ZFHX4: variants seen among roughly 807,000 people sequenced by gnomAD.
ZFHX4 encodes the protein zinc finger homeobox 4.
A neutral mutation model predicts 267.6 loss-of-function variants in ZFHX4; 56 were observed. That is an observed-to-expected ratio of 0.21 (90% CI 0.17 to 0.26). The LOEUF is 0.26. Ranked by LOEUF, ZFHX4 falls within the 10% of genes least tolerant of loss-of-function variation. ZFHX4 has a pLI of 1.00. For missense variants in ZFHX4, 4,332 were observed against 4,420.0 expected, an observed-to-expected ratio of 0.98 and a Z score of 0.56; for synonymous variants, 1,778 against 1,665.6, an observed-to-expected ratio of 1.07 and a Z score of -1.64.
chr8:76,772,058 G>A (rs1272946877), intron 3 of ZFHX4, among the ~76,000 whole-genome samples: 1 of 152,066 alleles, frequency 6.6e-6, no homozygotes, highest in Non-Finnish European at 1.5e-5. Context: ...TAATTTCTGT[G>A]TGTCTCTGTT....
At chr8:76,793,692 T>G (rs1810898320) in intron 4 of ZFHX4, among the ~76,000 whole-genome samples, 2 of 152,210 alleles carry the variant, frequency 1.3e-5, no homozygotes, top group Admixed American at 1.3e-4. Flanking sequence ...ACAGGAATCA[T>G]GTAAAAAGAC....
intron 1 of ZFHX4, among the ~76,000 whole-genome samples, chr8:76,697,055 C>A (rs1387343113): frequency 6.6e-6 from 1 of 151,854 alleles, no homozygotes; most frequent in Non-Finnish European, 1.5e-5. Context: ...GTTTAGCCTG[C>A]AAGAAATGAT....
At chr8:76,716,006 T>G (rs886101041) in intron 3 of ZFHX4, among the ~76,000 whole-genome samples, 1 of 152,186 alleles carries the variant, frequency 6.6e-6, no homozygotes, top group African/African-American at 2.4e-5. Flanking sequence ...TATTTGTTCC[T>G]CGATATCTGC....
At chr8:76,727,136 G>C (rs1808874313) in intron 3 of ZFHX4, among the ~76,000 whole-genome samples, 1 of 152,108 alleles carries the variant, frequency 6.6e-6, no homozygotes, top group Non-Finnish European at 1.5e-5. Context: ...AGGTCAGCCT[G>C]TTCGTCTGCG....
chr8:76,775,121 T>C (rs1313868398), intron 3 of ZFHX4, among the ~76,000 whole-genome samples: 1 of 152,134 alleles, frequency 6.6e-6, no homozygotes, highest in Non-Finnish European at 1.5e-5. Context: ...GAATAGATAA[T>C]GATGAGAAAA....
intron 3 of ZFHX4, 135 bp downstream of exon 3, chr8:76,708,183 A>G (rs886545044): frequency 9.3e-6 from 10 of 1,069,530 alleles, no homozygotes; most frequent in Admixed American, 6.7e-5. Flanking sequence ...ACAGTTTCTG[A>G]TTAACATTAT....
chr8:76,800,710 C>T (rs1811097667), intron 4 of ZFHX4, among the ~76,000 whole-genome samples: 2 of 152,140 alleles, frequency 1.3e-5, no homozygotes, highest in African/African-American at 2.4e-5. Flanking sequence ...GCAGACTTCA[C>T]GCTTAATAAG....
In ZFHX4 at chr8:76,854,179, C is replaced by A; in HGVS notation, c.7258C>A (p.Pro2420Thr). ...AEKPKQSDPS[P>T]PSQGTKPALP... ...AAAGCCAAAGCAGAGTGACCCCTCT[C>A]CCCCTTCTCAAGGCACCAAACCAGC... Residue 2420 changes from proline (P) to threonine (T), a missense_variant, in exon 10 of 11, where the codon CCC (proline) becomes ACC (threonine). By Grantham distance (38) the Pro-to-Thr change is conservative. Transcript: ENST00000651372. 3 of 1,581,144 alleles carry A rather than the reference C, an allele frequency of 1.9e-6. No individual in the cohort carries two copies. The highest frequency in any genetic ancestry group is 2.6e-6 in the Non-Finnish European group (3 of 1,163,668).
At position 76,864,618 on chromosome 8, in the gene ZFHX4, A is replaced by G; in HGVS notation, c.*53A>G. ...AAAATAAAAAATAAAAAAATAAAAAAAAAATAAGACTTTAACTGCAGTTCC... is the reference window on the plus strand; with the variant it reads ...AAAATAAAAAATAAAAAAATAAAAAGAAAATAAGACTTTAACTGCAGTTCC... On this transcript the variant is annotated 3_prime_UTR_variant, in exon 11 of 11. Transcript: ENST00000651372. The G allele has an allele frequency of 7.7e-7, 1 of 1,301,894 alleles. No individual in the cohort carries two copies. The highest frequency in any genetic ancestry group is 1.9e-5 in the South Asian group (1 of 51,754). 80.6% of individuals were successfully genotyped at this position (1,301,894 alleles called of 1,614,324 possible). A position where few individuals can be genotyped will look rare whatever the true frequency, so the allele number is the denominator to read the frequency against.
intron 4 of ZFHX4, among the ~76,000 whole-genome samples, chr8:76,810,597 C>T (rs945317248): frequency 3.3e-5 from 5 of 152,110 alleles, no homozygotes; most frequent in East Asian, 1.9e-4. Flanking sequence ...CTACAGGTCA[C>T]GTTAGAAGGG....
At position 76,853,586 on chromosome 8, in the gene ZFHX4, C is replaced by T. The variant is rs1812610209; in HGVS notation, c.6665C>T (p.Ala2222Val). 1.9e-6 allele frequency: 3 copies of T among 1,613,822 alleles called. No homozygotes were observed. The East Asian group carries it at 6.7e-5, about 36-fold the overall frequency. ...TCTTTAGAACATTACAAATCTGATG[C>T]ATCATTCAGTAAAAGGTCTTCTAGA... ...PTSLEHYKSD[A>V]SFSKRSSRTR... Residue 2222 changes from alanine (A) to valine (V), a missense_variant, in exon 10 of 11, where the codon GCA (alanine) becomes GTA (valine). Around this residue, in one of 7 missense-constraint regions of ZFHX4, gnomAD observed 62 missense variants for 69.8 expected, o/e 0.89. Transcript: ENST00000651372.
In ZFHX4 at chr8:76,856,076, C is replaced by T; in HGVS notation, c.9155C>T (p.Pro3052Leu). The T allele has an allele frequency of 1.2e-6, 2 of 1,613,910 alleles. No individual in the cohort carries two copies. The highest frequency in any genetic ancestry group is 1.7e-6 in the Non-Finnish European group (2 of 1,179,876). Residue 3052 changes from proline (P) to leucine (L), a missense_variant, in exon 10 of 11, where the codon CCG becomes CTG. Around this residue, in one of 7 missense-constraint regions of ZFHX4, gnomAD observed 1,648 missense variants for 1,625.0 expected, o/e 1.01. Transcript: ENST00000651372. ...QLDREKDYLA[P>L]TTVRQLMAQQ... ...GATCGGGAGAAAGATTACTTGGCTC[C>T]GACCACGGTTCGGCAGCTGATGGCA...
chr8:76,706,015 A>C lies in ZFHX4; in HGVS notation c.1927A>C (p.Thr643Pro). Residue 643 changes from threonine to proline, a missense_variant, in exon 2 of 11, where the codon ACC (threonine) becomes CCC (proline). Thr to Pro is a conservative substitution (Grantham distance 38, BLOSUM62 -1). Transcript: ENST00000651372. ...TMMHSRNSCK[T>P]LKCPKCNWHY... The stretch of plus-strand genomic sequence containing the variant: ...GATGCACTCGAGGAACTCATGCAAA[A>C]CCCTCAAATGTCCTAAATGTAACTG... 1 of 1,612,770 alleles carries C rather than the reference A, an allele frequency of 6.2e-7. No homozygotes were observed.
rs1812619412 is a variant in ZFHX4 at position 76,853,821 on chromosome 8, T to C, written c.6900T>C (p.Thr2300=). The C allele has an allele frequency of 1.2e-6, 2 of 1,613,732 alleles. No homozygotes were observed. The highest frequency in any genetic ancestry group is 1.3e-5 in the African/African-American group (1 of 74,882). Residue 2300 remains threonine (T), a synonymous_variant, in exon 10 of 11, where the codon ACT becomes ACC. Coordinates refer to ENST00000651372, the MANE Select transcript of ZFHX4 (RefSeq NM_024721.5). ...ETKDNEKREL[T]NERYIRTSNM... ...AAGATAATGAAAAAAGAGAACTCAC[T>C]AATGAACGGTACATTCGAACAAGCA...
intron 3 of ZFHX4, among the ~76,000 whole-genome samples, chr8:76,725,646 C>T (rs988515930): frequency 1.3e-5 from 2 of 152,096 alleles, no homozygotes; most frequent in Non-Finnish European, 2.9e-5. Context: ...ATATATAGAT[C>T]AGTGAAGGGC....
At position 76,863,150 on chromosome 8, in the gene ZFHX4, C is replaced by G. The variant is rs575889571; in HGVS notation, c.9436C>G (p.Pro3146Ala). The G allele has an allele frequency of 6.5e-7, 1 of 1,548,706 alleles. No individual in the cohort carries two copies. Among genetic ancestry groups the G allele is most frequent in the Non-Finnish European group, 8.7e-7 (1 of 1,146,036 alleles). Residue 3146 changes from proline (P) to alanine (A), a missense_variant, in exon 11 of 11, where the codon CCT (proline) becomes GCT (alanine). By Grantham distance (27) the Pro-to-Ala change is conservative. Coordinates refer to ENST00000651372, the MANE Select transcript of ZFHX4 (RefSeq NM_024721.5). ...LGFPTSATSS[P>A]ALSLSSAPTK... ...GTTTCCTACTTCAGCTACTTCGTCT[C>G]CTGCCCTGTCTCTCAGCAGTGCCCC...
chr8:76,789,431 C>A (rs1282756077), intron 4 of ZFHX4, among the ~76,000 whole-genome samples: 1 of 152,122 alleles, frequency 6.6e-6, no homozygotes, highest in African/African-American at 2.4e-5. Flanking sequence ...ATGTGCATAT[C>A]ACGGTAGGCA....
intron 3 of ZFHX4, among the ~76,000 whole-genome samples, chr8:76,717,265 C>G (rs1001587801): frequency 6.6e-6 from 1 of 152,140 alleles, no homozygotes; most frequent in Non-Finnish European, 1.5e-5. Context: ...GAGGGATTTT[C>G]TCTCCATCAT....
intron 3 of ZFHX4, among the ~76,000 whole-genome samples, chr8:76,723,529 A>T (rs1808777624): frequency 6.6e-6 from 1 of 151,638 alleles, no homozygotes; most frequent in South Asian, 2.1e-4. Flanking sequence ...GTAGGGAAAA[A>T]TAACTAAATA....
Sources: gnomAD v4.1 joint callset for allele counts (sites outside exome capture counted in the v4.1 genomes callset) on GRCh38, gnomAD v4.1.1 for gene constraint, gnomAD v4.1.1 regional missense constraint, MANE v1.5 for transcripts, NCBI Gene and HGNC (gene_info 2026-07-23, HGNC 2026-07-21) for gene names.